NTM: variants seen among roughly 807,000 people sequenced by gnomAD.
NTM encodes the protein IgLON family member 2.
A neutral mutation model predicts 42.1 loss-of-function variants in NTM; 13 were observed. That is an observed-to-expected ratio of 0.31 (90% CI 0.20 to 0.49). NTM has a LOEUF of 0.49. NTM is among the 20% of genes least tolerant of loss of function. NTM has a pLI of 0.99. For missense variants in NTM, 373 were observed against 452.8 expected, an observed-to-expected ratio of 0.82 and a Z score of 1.60; for synonymous variants, 187 against 179.2, an observed-to-expected ratio of 1.04 and a Z score of -0.35.
chr11:131,954,841 C>G (rs920133673), intron 2 of NTM, among the ~76,000 whole-genome samples: 3 of 152,134 alleles, frequency 2.0e-5, no homozygotes, highest in Admixed American at 6.5e-5. Context: ...TTGTTACCTA[C>G]TCATATAACT....
chr11:131,992,868 C>A (rs1044783976), intron 2 of NTM, among the ~76,000 whole-genome samples: 8 of 152,042 alleles, frequency 5.3e-5, no homozygotes, highest in Non-Finnish European at 1.2e-4. Flanking sequence ...ATTGGAAATA[C>A]CCAGAGAAAG....
At chr11:131,730,888 G>A (rs1159833085) in intron 1 of NTM, among the ~76,000 whole-genome samples, 2 of 152,046 alleles carry the variant, frequency 1.3e-5, no homozygotes, top group Non-Finnish European at 2.9e-5. Flanking sequence ...ACAGTCCATA[G>A]AAAGGTCATT....
At chr11:131,906,068 G>A (rs760337133) in intron 1 of NTM, among the ~76,000 whole-genome samples, 108 of 152,104 alleles carry the variant, frequency 7.1e-4, no homozygotes, top group Non-Finnish European at 1.1e-3. Context: ...AGCACTAGAC[G>A]ACACGCAACT....
intron 1 of NTM, among the ~76,000 whole-genome samples, chr11:131,547,829 C>T (rs981686229): frequency 2.0e-5 from 3 of 152,180 alleles, no homozygotes; most frequent in African/African-American, 7.2e-5. Context: ...TCTTATCTCC[C>T]TTTTTGAAAA....
chr11:132,188,314 G>A (rs2078756607), intron 3 of NTM, among the ~76,000 whole-genome samples: 1 of 152,168 alleles, frequency 6.6e-6, no homozygotes, highest in Admixed American at 6.5e-5. Context: ...CAAAGCTGAA[G>A]ACTTGAGAAA....
At chr11:131,792,829 G>T (rs1017377082) in intron 1 of NTM, among the ~76,000 whole-genome samples, 3 of 152,330 alleles carry the variant, frequency 2.0e-5, no homozygotes, top group South Asian at 2.1e-4. Context: ...CTTTAAAAAG[G>T]TTTGTTTTCT....
At chr11:131,489,119 T>C (rs1481371019) in intron 1 of NTM, among the ~76,000 whole-genome samples, 1 of 152,220 alleles carries the variant, frequency 6.6e-6, no homozygotes, top group Admixed American at 6.5e-5. Flanking sequence ...GCTCTCCCCT[T>C]GGTTCCAAAC....
chr11:131,389,837 T>C (rs1201607376), intron 1 of NTM, among the ~76,000 whole-genome samples: 1 of 151,948 alleles, frequency 6.6e-6, no homozygotes, highest in Non-Finnish European at 1.5e-5. Flanking sequence ...AGAGAGTGAG[T>C]AATCAAAGGA....
intron 1 of NTM, among the ~76,000 whole-genome samples, chr11:131,572,603 A>G (rs1462220888): frequency 6.6e-6 from 1 of 152,108 alleles, no homozygotes; most frequent in Non-Finnish European, 1.5e-5. Context: ...GCGCGCATTG[A>G]AAGACTTTGC....
chr11:131,504,146 C>T (rs1365757837), intron 1 of NTM, among the ~76,000 whole-genome samples: 49 of 152,154 alleles, frequency 3.2e-4, no homozygotes, highest in Non-Finnish European at 1.3e-4. Context: ...TGGCTTGTCC[C>T]TCCACATCCC....
In NTM at chr11:132,212,158, A is replaced by T. The variant is rs2082950521; in HGVS notation, c.526+11A>T. The T allele has an allele frequency of 3.1e-6, 5 of 1,607,310 alleles. No homozygotes were observed. Among genetic ancestry groups the T allele is most frequent in the Non-Finnish European group, 4.2e-6 (5 of 1,177,606 alleles). On this transcript the variant is annotated intron_variant, in intron 4 of 8. Coordinates refer to ENST00000683400, the MANE Select transcript of NTM (RefSeq NM_001352005.2). Reference sequence around the variant, plus strand: ...ACATCTCTCCCAAAGGTAAGAGAACAGTTTGTTGCATTGCATCATGAGGAT... The same window carrying T: ...ACATCTCTCCCAAAGGTAAGAGAACTGTTTGTTGCATTGCATCATGAGGAT...
At chr11:131,866,556 G>A (rs2047244317) in intron 1 of NTM, among the ~76,000 whole-genome samples, 2 of 152,218 alleles carry the variant, frequency 1.3e-5, no homozygotes, top group African/African-American at 4.8e-5. Flanking sequence ...TTAATTTAGT[G>A]GGTGAACTGT....
chr11:131,456,410 T>C (rs1379744626), intron 1 of NTM, among the ~76,000 whole-genome samples: 1 of 152,116 alleles, frequency 6.6e-6, no homozygotes, highest in African/African-American at 2.4e-5. Context: ...ATAATCAACA[T>C]TCACACCTTC....
intron 1 of NTM, among the ~76,000 whole-genome samples, chr11:131,376,730 A>C (rs1318921717): frequency 6.6e-6 from 1 of 151,888 alleles, no homozygotes; most frequent in Non-Finnish European, 1.5e-5. Flanking sequence ...AAGACTGATC[A>C]AAAGACTGCT....
At chr11:131,853,602 C>T (rs1051913168) in intron 1 of NTM, among the ~76,000 whole-genome samples, 1 of 152,214 alleles carries the variant, frequency 6.6e-6, no homozygotes, top group African/African-American at 2.4e-5. Context: ...CATAGTATTC[C>T]ATGGTATAAA....
At chr11:132,180,038 G>C (rs10750502) in intron 3 of NTM, among the ~76,000 whole-genome samples, 95,594 of 151,922 alleles carry the variant, frequency 0.63, 30,489 homozygotes, top group Non-Finnish European at 0.64. Context: ...AATCATCACC[G>C]TTTCTTAAAT....
chr11:132,199,599 C>T (rs958756740), intron 3 of NTM, among the ~76,000 whole-genome samples: 7 of 152,052 alleles, frequency 4.6e-5, no homozygotes, highest in African/African-American at 1.4e-4. Context: ...TGAGTGATAC[C>T]GGGGAGTAGA....
chr11:131,535,411 G>C (rs1378542861), intron 1 of NTM: 1 of 152,182 alleles, frequency 6.6e-6, no homozygotes, highest in Non-Finnish European at 1.5e-5. Flanking sequence ...GGGGCTATGG[G>C]AAGAGATCAG....
Position 131,779,935 on chromosome 11 carries a change from C to G in NTM, c.83-131629C>G, listed in dbSNP as rs141205015. ...AAGTGTCATCCAAGGGGGAACAGCACGGGTGTCACCAGGGAAAGTGTTGGA... is the reference window on the plus strand; with the variant it reads ...AAGTGTCATCCAAGGGGGAACAGCAGGGGTGTCACCAGGGAAAGTGTTGGA... On this transcript the variant is annotated intron_variant, in intron 1 of 8. Transcript: ENST00000683400. Among the ~76,000 whole-genome samples the G allele has an allele frequency of 4.9e-3, 753 of 152,204 alleles. 5 individuals are homozygous for G. Among genetic ancestry groups the G allele is most frequent in the African/African-American group, 0.017 (706 of 41,542 alleles).
Sources: allele counts gnomAD v4.1 joint callset (sites outside exome capture counted in the v4.1 genomes callset), GRCh38; gene constraint gnomAD v4.1.1; transcripts MANE v1.5; gene names NCBI Gene and HGNC (gene_info 2026-07-23, HGNC 2026-07-21).